SNX25: variants seen among roughly 807,000 people sequenced by gnomAD.
SNX25 encodes the protein sorting nexin-25.
Under a neutral mutation model 113.7 loss-of-function variants are expected in SNX25, and 62 were observed. That is an observed-to-expected ratio of 0.55 (90% CI 0.44 to 0.67). The LOEUF is 0.67. Among genes scored for constraint, SNX25 ranks in the 30% least tolerant of loss-of-function variants. SNX25 has a pLI of 0.00. For synonymous variants in SNX25, 421 were observed against 436.2 expected, an observed-to-expected ratio of 0.97 and a Z score of 0.43; for missense variants, 1,014 against 1,161.0, an observed-to-expected ratio of 0.87 and a Z score of 1.84.
intron 12 of SNX25, 68 bp from the exon 13 acceptor site, chr4:185,346,469 A>G (rs1374573509): frequency 9.3e-7 from 1 of 1,075,842 alleles, no homozygotes; most frequent in African/African-American, 1.6e-5. Context: ...TCTAATTGTT[A>G]TTCTAAATCT....
intron 1 of SNX25, among the ~76,000 whole-genome samples, chr4:185,226,744 C>G (rs1768525720): frequency 6.6e-6 from 1 of 152,228 alleles, no homozygotes; most frequent in African/African-American, 2.4e-5. Context: ...AGCCACCACA[C>G]TGTGCCTTGG....
chr4:185,295,092 A>G (rs966716897), intron 6 of SNX25, among the ~76,000 whole-genome samples: 2 of 152,210 alleles, frequency 1.3e-5, no homozygotes, highest in African/African-American at 4.8e-5. Context: ...CCCTCCCATA[A>G]AAGTCATTAA....
chr4:185,262,829 G>C (rs905690943), intron 3 of SNX25, among the ~76,000 whole-genome samples: 2 of 152,230 alleles, frequency 1.3e-5, no homozygotes, highest in Admixed American at 6.5e-5. Flanking sequence ...AACACAGTAA[G>C]GATGCTGCAA....
intron 10 of SNX25, 46 bp downstream of exon 10, chr4:185,332,805 T>C (rs1330407135): frequency 3.8e-6 from 6 of 1,585,634 alleles, no homozygotes; most frequent in Admixed American, 1.7e-5. Flanking sequence ...AACATTTGTC[T>C]AATTTGGTAG....
At chr4:185,353,290 C>A in intron 14 of SNX25, 195 bp from the exon 15 acceptor site, 1 of 478,228 alleles carries the variant, frequency 2.1e-6, no homozygotes, top group Non-Finnish European at 3.7e-6. Flanking sequence ...TATTTTAAGC[C>A]TTGAATAAGG....
chr4:185,280,076 C>T (rs1750355253), intron 5 of SNX25, among the ~76,000 whole-genome samples: 2 of 152,258 alleles, frequency 1.3e-5, no homozygotes, highest in South Asian at 2.1e-4. Flanking sequence ...ACTACAGGAG[C>T]ATGCCACCAC....
chr4:185,298,944 C>G (rs1383887687), intron 6 of SNX25, among the ~76,000 whole-genome samples: 1 of 152,156 alleles, frequency 6.6e-6, no homozygotes, highest in East Asian at 1.9e-4. Context: ...TTTTCAGTTA[C>G]TCAACCTTTC....
At chr4:185,206,884 A>C (rs952274347), upstream of SNX25, among the ~76,000 whole-genome samples, 1 of 152,132 alleles carries the variant, frequency 6.6e-6, no homozygotes, top group African/African-American at 2.4e-5. Flanking sequence ...GAACCAGGGA[A>C]TAGGATGGCA....
intron 1 of SNX25, among the ~76,000 whole-genome samples, chr4:185,243,212 C>T (rs1397046817): frequency 6.6e-6 from 1 of 152,138 alleles, no homozygotes; most frequent in Non-Finnish European, 1.5e-5. Context: ...ATAAAATTTG[C>T]TGTCTGAACC....
intron 6 of SNX25, among the ~76,000 whole-genome samples, chr4:185,291,344 G>A (rs1448242502): frequency 2.0e-5 from 3 of 151,988 alleles, no homozygotes; most frequent in South Asian, 2.1e-4. Flanking sequence ...CTTCGTATCC[G>A]TTAAACAATA....
rs1421813842 is a variant in SNX25, at chr4:185,332,532, CCGATAATAATTA to C, written c.1750-61_1750-50del. 2.1e-6 allele frequency: 3 copies of C among 1,443,832 alleles called. No homozygotes were observed. In the East Asian group the frequency reaches 7.0e-5, roughly 34 times the overall value. 89.4% of individuals were successfully genotyped at this position (1,443,832 alleles called of 1,614,324 possible). On this transcript the variant is annotated intron_variant, in intron 9 of 18. Transcript: ENST00000652585. ...AGTATTTTGCAACAGGGTATCGTGA[CCGATAATAATTA>C]CTGAATTTTCTATCATTATAAGATA...
intron 1 of SNX25, among the ~76,000 whole-genome samples, chr4:185,241,284 C>T (rs1478589250): frequency 3.3e-4 from 50 of 151,932 alleles, no homozygotes; most frequent in Admixed American, 9.8e-4. Flanking sequence ...GAGACCAGCC[C>T]GGCCAACACA....
At chr4:185,343,318 A>T (rs1165168293) in intron 12 of SNX25, among the ~76,000 whole-genome samples, 2 of 152,250 alleles carry the variant, frequency 1.3e-5, no homozygotes, top group Admixed American at 1.3e-4. Flanking sequence ...CATTTATAAG[A>T]ATGTGTGGCA....
At chr4:185,370,652 G>A (rs752977415), downstream of SNX25, 2 of 1,613,876 alleles carry the variant, frequency 1.2e-6, no homozygotes, top group African/African-American at 1.3e-5. Context: ...TAGAATAATA[G>A]TGTTTAGCGG....
Position 185,363,265 on chromosome 4 carries a change from T to C in SNX25, c.2935-120T>C. The C allele has an allele frequency of 1.2e-6, 1 of 813,440 alleles. No individual in the cohort carries two copies. Among genetic ancestry groups the C allele is most frequent in the Middle Eastern group, 2.5e-4 (1 of 4,032 alleles). 50.4% of individuals were successfully genotyped at this position (813,440 alleles called of 1,614,324 possible). On this transcript the variant is annotated intron_variant, in intron 18 of 18. Coordinates refer to ENST00000652585, the MANE Select transcript of SNX25 (RefSeq NM_001378034.2). The surrounding 1 kb of genome is among the most constrained non-coding windows in gnomAD (Gnocchi z 4.2). ...ATATTAAATACTGTTTGAGAGTTACTTGTTTACTGAGATAATTTCAGACCT... is the reference window on the plus strand; with the variant it reads ...ATATTAAATACTGTTTGAGAGTTACCTGTTTACTGAGATAATTTCAGACCT...
intron 1 of SNX25, among the ~76,000 whole-genome samples, chr4:185,242,107 A>C (rs1016102545): frequency 1.3e-5 from 2 of 152,222 alleles, no homozygotes; most frequent in African/African-American, 4.8e-5. Flanking sequence ...TCATTCAGAC[A>C]TGAGGAGATT....
chr4:185,304,222 T>A (rs1484272566), intron 6 of SNX25, among the ~76,000 whole-genome samples: 1 of 152,238 alleles, frequency 6.6e-6, no homozygotes, highest in Non-Finnish European at 1.5e-5. Flanking sequence ...CATAGCTCAC[T>A]GTAACCTCAA....
chr4:185,309,651 A>G (rs1425843628), intron 6 of SNX25, among the ~76,000 whole-genome samples: 1 of 152,144 alleles, frequency 6.6e-6, no homozygotes, highest in Non-Finnish European at 1.5e-5. Flanking sequence ...CTGGGTCCAG[A>G]CATCCTCTTG....
At chr4:185,325,075 T>A (rs985406549) in intron 9 of SNX25, among the ~76,000 whole-genome samples, 27 of 152,162 alleles carry the variant, frequency 1.8e-4, no homozygotes, top group African/African-American at 6.0e-4. Context: ...ATCTGTTTGG[T>A]TATTTTGGTA....
Sources: gnomAD v4.1 joint callset for allele counts (sites outside exome capture counted in the v4.1 genomes callset) on GRCh38, gnomAD v4.1.1 for gene constraint, Gnocchi (gnomAD v3.1) non-coding constraint, MANE v1.5 for transcripts, NCBI Gene and HGNC (gene_info 2026-07-23, HGNC 2026-07-21) for gene names.